ERC1: variants seen among roughly 807,000 people sequenced by gnomAD.
ERC1 encodes ELKS/RAB6-interacting/CAST family member 1, also known as RAB6 interacting protein 2.
Under a neutral mutation model 132.0 loss-of-function variants are expected in ERC1, and 56 were observed. The ratio of observed to expected loss-of-function variants is 0.42; its 90% CI spans 0.34 to 0.53. The LOEUF is 0.53. ERC1 is among the 20% of genes least tolerant of loss of function. The pLI is 0.03. For missense variants in ERC1, 1,202 were observed against 1,349.9 expected (o/e 0.89, Z 1.72); for synonymous variants, 478 against 476.1 (o/e 1.00, Z -0.05).
At chr12:1,419,032 G>A (rs1486769746) in intron 17 of ERC1, among the ~76,000 whole-genome samples, 1 of 151,862 alleles carries the variant, frequency 6.6e-6, no homozygotes, top group East Asian at 1.9e-4. Flanking sequence ...CGTTTCTGAA[G>A]GCTCCCACAT....
intron 1 of ERC1, among the ~76,000 whole-genome samples, chr12:1,010,580 A>G (rs1964521051): frequency 1.4e-5 from 2 of 146,360 alleles, no homozygotes; most frequent in Admixed American, 6.9e-5. Flanking sequence ...GCATGATCTC[A>G]TCTCACTGCA....
At chr12:1,051,141 A>G (rs1228761066) in intron 2 of ERC1, among the ~76,000 whole-genome samples, 1 of 152,200 alleles carries the variant, frequency 6.6e-6, no homozygotes, top group Non-Finnish European at 1.5e-5. Flanking sequence ...TTTCACTTAG[A>G]TTGCATGATT....
intron 12 of ERC1, among the ~76,000 whole-genome samples, chr12:1,195,851 G>T (rs1956171125): frequency 6.7e-6 from 1 of 149,568 alleles, no homozygotes; most frequent in African/African-American, 2.5e-5. Context: ...GCATTCAAAT[G>T]GATATAATTA....
intron 2 of ERC1, among the ~76,000 whole-genome samples, chr12:1,057,257 G>A (rs2154172771): frequency 6.6e-6 from 1 of 152,174 alleles, no homozygotes; most frequent in South Asian, 2.1e-4. Flanking sequence ...CTGAGTAGCT[G>A]GGATTACAGG....
chr12:1,408,151 G>C lies in ERC1; in HGVS notation c.2928G>C (p.Thr976=), dbSNP rs150107658. 1 of 1,611,082 alleles carries C rather than the reference G, an allele frequency of 6.2e-7. No homozygotes were observed. Among genetic ancestry groups the C allele is most frequent in the African/African-American group, 1.3e-5 (1 of 74,774 alleles). ...DRLVQQLKQQ[T]QNRMKLMADN... is the part of the protein sequence containing the mutation. ...CCTTATGAATAATTTCTTCCTAGAC[G>C]CAAAATCGAATGAAGCTAATGGCCG... Residue 976 remains threonine (T), a splice_region_variant and synonymous_variant, in exon 17 of 19, where the codon ACG becomes ACC. Transcript: ENST00000360905.
Position 1,388,345 on chromosome 12 carries a change from C to CAAA in ERC1, c.2925+16389_2925+16391dup, listed in dbSNP as rs34634557. Among the ~76,000 whole-genome samples the CAAA allele has an allele frequency of 3.0e-3, 253 of 84,886 alleles. 6 individuals carry two copies. Among genetic ancestry groups the CAAA allele is most frequent in the Middle Eastern group, 0.019 (3 of 160 alleles). The allele number at this position is 84,886 out of a possible 152,430, so 55.7% of individuals were successfully genotyped here. A position where few individuals can be genotyped will look rare whatever the true frequency, so the allele number is the denominator to read the frequency against. On this transcript the variant is annotated intron_variant, in intron 16 of 18. Coordinates refer to ENST00000360905, the MANE Select transcript of ERC1 (RefSeq NM_178040.4). ...AGCCTGGGTGACAGAGACTCTGTCT[C>CAAA]AAAAAAAAAAAAAAAAAAAAAAATT... is the stretch of plus-strand genomic sequence containing the variant.
chr12:1,353,566 C>G (rs2085235612), intron 15 of ERC1, among the ~76,000 whole-genome samples: 1 of 152,130 alleles, frequency 6.6e-6, no homozygotes, highest in African/African-American at 2.4e-5. Flanking sequence ...GTTGTCAAAG[C>G]TGGTATAGGC....
chr12:1,126,033 G>A (rs551512111), intron 7 of ERC1, among the ~76,000 whole-genome samples: 5 of 152,150 alleles, frequency 3.3e-5, no homozygotes, highest in African/African-American at 1.2e-4. Context: ...GTTTTGTAAG[G>A]TGAAATGAGT....
chr12:1,414,841 T>C (rs893585518), intron 17 of ERC1, among the ~76,000 whole-genome samples: 1 of 152,088 alleles, frequency 6.6e-6, no homozygotes, highest in Non-Finnish European at 1.5e-5. Context: ...TCAGTAAATA[T>C]ATATGTGTGT....
intron 12 of ERC1, among the ~76,000 whole-genome samples, chr12:1,209,721 G>A (rs934535687): frequency 1.3e-5 from 2 of 152,094 alleles, no homozygotes; most frequent in African/African-American, 2.4e-5. Context: ...TCTACCTTTC[G>A]AAAAGCTCCC....
At chr12:1,401,910 A>G (rs2154388329) in intron 16 of ERC1, among the ~76,000 whole-genome samples, 1 of 152,332 alleles carries the variant, frequency 6.6e-6, no homozygotes, top group African/African-American at 2.4e-5. Flanking sequence ...AATGCAGTGC[A>G]GAAGGATAAA....
intron 15 of ERC1, among the ~76,000 whole-genome samples, chr12:1,366,204 T>C (rs747103112): frequency 7.2e-5 from 11 of 152,170 alleles, no homozygotes; most frequent in African/African-American, 1.2e-4. Flanking sequence ...TTTATGTGTG[T>C]TTTATCACAA....
At chr12:1,214,888 A>G (rs983057715) in intron 12 of ERC1, among the ~76,000 whole-genome samples, 3 of 152,218 alleles carry the variant, frequency 2.0e-5, no homozygotes, top group African/African-American at 7.2e-5. Flanking sequence ...TAAAGATCAT[A>G]TAGATAATGA....
intron 1 of ERC1, among the ~76,000 whole-genome samples, chr12:1,012,058 TAAA>T (rs1235346878): frequency 4.6e-5 from 7 of 152,224 alleles, no homozygotes; most frequent in African/African-American, 1.7e-4. Flanking sequence ...AGATTTCACT[TAAA>T]CATTTCTCAA....
chr12:1,473,587 G>A lies in ERC1; in HGVS notation c.3214-16506G>A, dbSNP rs569978000. ...CCAGGCTGCAGTGAGCTGTGATCTC[G>A]CCACCGCACTCCAGCCTGGGGGACA... On this transcript the variant is annotated intron_variant, in intron 18 of 18. Transcript: ENST00000360905. Among the ~76,000 whole-genome samples, 51 of 139,384 alleles carry A rather than the reference G, an allele frequency of 3.7e-4. No individual in the cohort carries two copies. The South Asian group carries it at 5.3e-3, about 14-fold the overall frequency. 91.4% of individuals were successfully genotyped at this position (139,384 alleles called of 152,430 possible). A position where few individuals can be genotyped will look rare whatever the true frequency, so the allele number is the denominator to read the frequency against.
intron 1 of ERC1, among the ~76,000 whole-genome samples, chr12:1,008,768 T>A (rs1469180753): frequency 6.6e-6 from 1 of 152,256 alleles, no homozygotes; most frequent in Non-Finnish European, 1.5e-5. Flanking sequence ...CCCAGGTTAT[T>A]CCAAACATGC....
intron 16 of ERC1, among the ~76,000 whole-genome samples, chr12:1,396,508 C>G (rs1284199188): frequency 1.3e-5 from 2 of 152,180 alleles, no homozygotes; most frequent in Non-Finnish European, 2.9e-5. Context: ...CTCATAAACT[C>G]AAATCTATTG....
intron 12 of ERC1, among the ~76,000 whole-genome samples, chr12:1,214,701 CAT>C (rs1397988554): frequency 1.8e-4 from 27 of 150,864 alleles, no homozygotes; most frequent in Admixed American, 1.3e-3. Context: ...CACACACACA[CAT>C]ATGTTTGGGG....
intron 18 of ERC1, among the ~76,000 whole-genome samples, chr12:1,453,275 A>G (rs16927897): frequency 0.18 from 27,678 of 151,718 alleles, 5,891 homozygotes; most frequent in African/African-American, 0.52. Flanking sequence ...GTTTGAATCC[A>G]TTCATAATTT....
Sources: allele counts gnomAD v4.1 joint callset (sites outside exome capture counted in the v4.1 genomes callset), GRCh38; gene constraint gnomAD v4.1.1; transcripts MANE v1.5; gene names NCBI Gene and HGNC (gene_info 2026-07-23, HGNC 2026-07-21).